The following ARMC8 variants were observed in gnomAD, a reference collection of about 807,000 sequenced individuals.
ARMC8 encodes the protein armadillo repeat-containing protein 8.
A neutral mutation model predicts 99.3 loss-of-function variants in ARMC8; 20 were observed. The ratio of observed to expected loss-of-function variants is 0.20; its 90% CI spans 0.14 to 0.29. The LOEUF (loss-of-function observed/expected upper bound fraction) is 0.29, where lower values mean the gene tolerates loss of function less well. ARMC8 is among the 10% of genes least tolerant of loss of function. The probability of loss-of-function intolerance (pLI) is 1.00; values close to 1 mark genes in which losing one functional copy is unlikely to be tolerated. For synonymous variants in ARMC8, 263 were observed against 278.3 expected (o/e 0.95, Z 0.55); for missense variants, 569 against 809.5 (o/e 0.70, Z 3.60).
intron 7 of ARMC8, 32 bp downstream of exon 7, chr3:138,235,146 A>G (rs1193026905): frequency 1.4e-6 from 2 of 1,464,614 alleles, no homozygotes; most frequent in South Asian, 2.3e-5. Context: ...CCAGATTTGT[A>G]TACCTTGTTT....
chr3:138,237,421 A>G (rs769477742), intron 8 of ARMC8, 37 bp downstream of exon 8: 1 of 1,611,562 alleles, frequency 6.2e-7, no homozygotes, highest in Non-Finnish European at 8.5e-7. Context: ...ACATGATTTA[A>G]TTGATGAACT....
At chr3:138,242,430 G>T (rs1290436494) in intron 11 of ARMC8, among the ~76,000 whole-genome samples, 1 of 152,022 alleles carries the variant, frequency 6.6e-6, no homozygotes, top group African/African-American at 2.4e-5. Flanking sequence ...CTTTTTCCCA[G>T]TTTCATACTG....
chr3:138,227,537 A>AGGGTTATACTAAC (rs772194280), intron 5 of ARMC8, among the ~76,000 whole-genome samples: 1 of 152,250 alleles, frequency 6.6e-6, no homozygotes. Context: ...GTAAACACAA[A>AGGGTTATACTAAC]GGGTTATACT....
intron 14 of ARMC8, among the ~76,000 whole-genome samples, chr3:138,265,983 G>A (rs2108276080): frequency 6.6e-6 from 1 of 152,304 alleles, no homozygotes; most frequent in East Asian, 1.9e-4. Flanking sequence ...CTACTCAGGA[G>A]CTGTCAGGGG....
intron 2 of ARMC8, among the ~76,000 whole-genome samples, chr3:138,210,326 G>A (rs923068982): frequency 3.3e-5 from 5 of 152,032 alleles, no homozygotes; most frequent in Non-Finnish European, 5.9e-5. Flanking sequence ...TTTAAATTTC[G>A]AATTTAGAAA....
chr3:138,261,702 G>A (rs1457626437), intron 12 of ARMC8: 1 of 152,172 alleles, frequency 6.6e-6, no homozygotes, highest in Non-Finnish European at 1.5e-5. Flanking sequence ...AAACAGGATT[G>A]AAAATGAGAG....
At chr3:138,226,938 C>G (rs2045728777) in intron 5 of ARMC8, among the ~76,000 whole-genome samples, 1 of 152,166 alleles carries the variant, frequency 6.6e-6, no homozygotes, top group Non-Finnish European at 1.5e-5. Context: ...TTTTATGTCT[C>G]AGAGACAGTG....
rs76666071 is a variant in ARMC8 at position 138,277,238 on chromosome 3, A to G, written c.1725+2694A>G. On this transcript the variant is annotated intron_variant, in intron 18 of 21. Transcript: ENST00000469044. ...TGCCAAAAAAAATTAACTTTGAACT[A>G]TACCACACACTTGAGATAAAAATTT... Among the ~76,000 whole-genome samples, 84 of 152,330 alleles carry G rather than the reference A, an allele frequency of 5.5e-4. 1 individual carries two copies. The East Asian group carries it at 0.016, about 29-fold the overall frequency.
intron 18 of ARMC8, among the ~76,000 whole-genome samples, chr3:138,275,845 T>G (rs1459889873): frequency 1.3e-5 from 2 of 152,224 alleles, no homozygotes; most frequent in South Asian, 2.1e-4. Context: ...TCTTAAAATT[T>G]TTTTTAAAAC....
chr3:138,270,003 T>C (rs1169725095), intron 15 of ARMC8, 37 bp from the exon 16 acceptor site: 1 of 1,465,456 alleles, frequency 6.8e-7, no homozygotes, highest in East Asian at 2.3e-5. Flanking sequence ...AACTGGACTT[T>C]AAAGCTGTGA....
intron 12 of ARMC8, among the ~76,000 whole-genome samples, chr3:138,254,979 C>T (rs1384434359): frequency 6.6e-6 from 1 of 151,974 alleles, no homozygotes; most frequent in Non-Finnish European, 1.5e-5. Context: ...TATCTTCTAC[C>T]CCTAAAGTGA....
intron 18 of ARMC8, among the ~76,000 whole-genome samples, chr3:138,282,049 G>GC (rs899653761): frequency 1.2e-4 from 19 of 152,278 alleles, no homozygotes; most frequent in Middle Eastern, 3.4e-3. Context: ...TCCATGTGCT[G>GC]CCCCCGCTCC....
At chr3:138,198,599 G>C (rs1391127387) in intron 1 of ARMC8, among the ~76,000 whole-genome samples, 1 of 151,694 alleles carries the variant, frequency 6.6e-6, no homozygotes, top group Non-Finnish European at 1.5e-5. Context: ...TGCAACCTCC[G>C]CCTCCCGGGT....
intron 6 of ARMC8, 168 bp downstream of exon 6, chr3:138,229,178 A>ATATATATATGTATATGTATATG (rs1576686064): frequency 1.2e-4 from 4 of 32,092 alleles, no homozygotes; most frequent in African/African-American, 3.9e-4. Flanking sequence ...ATATATATAT[A>ATATATATATGTATATGTATATG]TATATGTATA....
chr3:138,217,670 G>A (rs537436269), intron 2 of ARMC8, among the ~76,000 whole-genome samples: 2 of 152,176 alleles, frequency 1.3e-5, no homozygotes, highest in Non-Finnish European at 1.5e-5. Context: ...CCAGATTTTG[G>A]CTGAAAATCT....
At chr3:138,234,148 C>T (rs1435130810) in intron 6 of ARMC8, among the ~76,000 whole-genome samples, 2 of 151,934 alleles carry the variant, frequency 1.3e-5, no homozygotes, top group Non-Finnish European at 2.9e-5. Flanking sequence ...CTCTGTTGCC[C>T]AGGCTACAGT....
intron 16 of ARMC8, among the ~76,000 whole-genome samples, chr3:138,270,887 A>G (rs2048725494): frequency 1.3e-5 from 2 of 152,206 alleles, no homozygotes; most frequent in South Asian, 4.1e-4. Flanking sequence ...AAACATATTT[A>G]TACTATTTAC....
At chr3:138,237,641 C>A in intron 9 of ARMC8, 69 bp downstream of exon 9, 1 of 1,320,338 alleles carries the variant, frequency 7.6e-7, no homozygotes, top group Non-Finnish European at 1.1e-6. Flanking sequence ...TTTGGACAAC[C>A]AAATTTGCTT....
chr3:138,196,943 A>T (rs1414156459), intron 1 of ARMC8, among the ~76,000 whole-genome samples: 2 of 152,166 alleles, frequency 1.3e-5, no homozygotes, highest in African/African-American at 4.8e-5. Context: ...ATTAAAACTC[A>T]TGTGAGCTAT....
Sources: gnomAD v4.1 joint callset for allele counts (sites outside exome capture counted in the v4.1 genomes callset) on GRCh38, gnomAD v4.1.1 for gene constraint, MANE v1.5 for transcripts, NCBI Gene and HGNC (gene_info 2026-07-23, HGNC 2026-07-21) for gene names.